The following ZPLD1 variants were observed in gnomAD, a reference collection of about 807,000 sequenced individuals.
ZPLD1 encodes zona pellucida-like domain-containing protein 1.
ZPLD1 carries 34 observed loss-of-function variants against 47.2 expected under a neutral mutation model. That is an observed-to-expected ratio of 0.72 (90% CI 0.55 to 0.96). The LOEUF (loss-of-function observed/expected upper bound fraction) is 0.96, where lower values mean the gene tolerates loss of function less well. Among genes scored for constraint, ZPLD1 ranks in the 40% least tolerant of loss-of-function variants. The probability of loss-of-function intolerance (pLI) is 0.00; values close to 1 mark genes in which losing one functional copy is unlikely to be tolerated. For synonymous variants in ZPLD1, 176 were observed against 186.2 expected (o/e 0.95, Z 0.45); for missense variants, 512 against 505.8 (o/e 1.01, Z -0.12).
chr3:102,447,926 T>A (rs766354156), intron 3 of ZPLD1, among the ~76,000 whole-genome samples: 1 of 152,182 alleles, frequency 6.6e-6, no homozygotes, highest in East Asian at 1.9e-4. Flanking sequence ...ATACCTTCTT[T>A]ACTTCCATTT....
intron 6 of ZPLD1, among the ~76,000 whole-genome samples, chr3:102,388,920 A>T (rs1706465463): frequency 6.6e-6 from 1 of 152,180 alleles, no homozygotes; most frequent in Non-Finnish European, 1.5e-5. Flanking sequence ...TTTGACTTTT[A>T]ATCAATATTC....
At chr3:102,404,493 A>G (rs951255937) in intron 7 of ZPLD1, among the ~76,000 whole-genome samples, 4 of 152,020 alleles carry the variant, frequency 2.6e-5, no homozygotes, top group Admixed American at 1.3e-4. Flanking sequence ...ACCAGTGCCT[A>G]TATGTTAACC....
intron 8 of ZPLD1, among the ~76,000 whole-genome samples, chr3:102,420,303 T>A (rs2107305706): frequency 6.6e-6 from 1 of 152,092 alleles, no homozygotes; most frequent in East Asian, 1.9e-4. Flanking sequence ...AGACAATATT[T>A]GCTGAATTTC....
Position 102,477,690 on chromosome 3 carries a change from T to A in ZPLD1, c.*72T>A. 1 of 1,375,484 alleles carries A rather than the reference T, an allele frequency of 7.3e-7. No individual in the cohort carries two copies. Among genetic ancestry groups the A allele is most frequent in the East Asian group, 2.4e-5 (1 of 41,484 alleles). 85.2% of individuals were successfully genotyped at this position (1,375,484 alleles called of 1,614,324 possible). On this transcript the variant is annotated 3_prime_UTR_variant, in exon 12 of 12. Transcript: ENST00000466937. Reference sequence around the variant, plus strand: ...ATGTGTGACTGCAGTCAGTGTTCCGTCTGAATTTCATGTCAGTCCACATTC... The same window carrying A: ...ATGTGTGACTGCAGTCAGTGTTCCGACTGAATTTCATGTCAGTCCACATTC...
At chr3:102,402,459 A>T (rs911257706) in intron 7 of ZPLD1, among the ~76,000 whole-genome samples, 1 of 152,098 alleles carries the variant, frequency 6.6e-6, no homozygotes, top group African/African-American at 2.4e-5. Flanking sequence ...TTTAAGTAGG[A>T]TGCTGTGTAA....
intron 9 of ZPLD1, among the ~76,000 whole-genome samples, chr3:102,470,173 G>A (rs1211479678): frequency 6.6e-6 from 1 of 152,176 alleles, no homozygotes; most frequent in Non-Finnish European, 1.5e-5. Flanking sequence ...AAATTAATGA[G>A]GCAGTGCACA....
At chr3:102,427,361 G>A (rs1453106330) in intron 8 of ZPLD1, among the ~76,000 whole-genome samples, 1 of 152,180 alleles carries the variant, frequency 6.6e-6, no homozygotes, top group Non-Finnish European at 1.5e-5. Context: ...AGATTAGGCT[G>A]TAAGATCTCT....
chr3:102,427,969 A>T (rs1037875423), intron 8 of ZPLD1, among the ~76,000 whole-genome samples: 1 of 152,212 alleles, frequency 6.6e-6, no homozygotes, highest in African/African-American at 2.4e-5. Context: ...TAATGCAATT[A>T]TTATAAAGCT....
chr3:102,477,033 C>A lies in ZPLD1; in HGVS notation c.1064C>A (p.Ser355Ter), dbSNP rs369331610. The part of the protein sequence containing the change: ...TRSDETPTNN[S>*]QLGSPSMPPF... ...TCAGATGAGACTCCAACCAACAATT[C>A]GCAACTTGGTAAGATAATTAACATA... The change falls in exon 11 of 12, where the codon TCG (serine) becomes TAG (stop). Residue 355 changes from serine to a stop codon, truncating the protein, a stop_gained. Transcript: ENST00000466937. LOFTEE classifies it high-confidence loss of function. 1 of 1,613,538 alleles carries A rather than the reference C, an allele frequency of 6.2e-7. No individual in the cohort carries two copies. Among genetic ancestry groups the A allele is most frequent in the Non-Finnish European group, 8.5e-7 (1 of 1,179,618 alleles).
intron 7 of ZPLD1, among the ~76,000 whole-genome samples, chr3:102,462,690 T>A (rs1029944751): frequency 1.3e-5 from 2 of 152,140 alleles, no homozygotes; most frequent in South Asian, 2.1e-4. Flanking sequence ...CCAAATGTAG[T>A]CATTCTGTGA....
intron 6 of ZPLD1, among the ~76,000 whole-genome samples, chr3:102,458,953 G>C (rs969412310): frequency 2.0e-5 from 3 of 151,788 alleles, no homozygotes; most frequent in African/African-American, 7.3e-5. Context: ...AGCCGGGCGT[G>C]GTGGCGGGCA....
At chr3:102,449,367 A>T (rs1292746578) in intron 3 of ZPLD1, among the ~76,000 whole-genome samples, 1 of 152,232 alleles carries the variant, frequency 6.6e-6, no homozygotes, top group African/African-American at 2.4e-5. Flanking sequence ...AATGGACTGT[A>T]ATACACAGGA....
intron 10 of ZPLD1, among the ~76,000 whole-genome samples, chr3:102,476,234 A>G (rs989989992): frequency 2.0e-5 from 3 of 151,904 alleles, no homozygotes; most frequent in Non-Finnish European, 4.4e-5. Context: ...TTCAAATAAC[A>G]AACACAAATA....
chr3:102,422,875 A>C (rs1293431375), intron 8 of ZPLD1, among the ~76,000 whole-genome samples: 1 of 151,954 alleles, frequency 6.6e-6, no homozygotes, highest in African/African-American at 2.4e-5. Flanking sequence ...AGTGGTGTTG[A>C]CATTAACAAA....
In ZPLD1 at chr3:102,435,138, C is replaced by G. The variant is rs1458784363; in HGVS notation, c.-139C>G. On this transcript the variant is annotated 5_prime_UTR_variant, in exon 1 of 12. Transcript: ENST00000466937. ...AGATGATGCTCAGGTTTTCCATGTG[C>G]AGGGGAAATGATGAAGGTAAGGTTG... The G allele has an allele frequency of 6.2e-7, 1 of 1,614,086 alleles. No individual in the cohort carries two copies. The highest frequency in any genetic ancestry group is 2.2e-5 in the East Asian group (1 of 44,874).
At position 102,405,478 on chromosome 3, in the gene ZPLD1, A is replaced by G. The variant is rs530138802; in HGVS notation, c.-156-12582A>G. On this transcript the variant is annotated intron_variant, in intron 7 of 17. Coordinates refer to the ZPLD1 transcript ENST00000491959. The stretch of plus-strand genomic sequence containing the variant: ...CAATAGCAGAAAGGAAAGCAAGATA[A>G]CTAACAGAAGGCTTGAGGTCATGTG... Among the ~76,000 whole-genome samples, 40 of 152,150 alleles carry G rather than the reference A, an allele frequency of 2.6e-4. No homozygotes were observed. In the East Asian group the frequency reaches 7.6e-3, roughly 29 times the overall value.
At chr3:102,461,711 T>A (rs888982532) in intron 6 of ZPLD1, among the ~76,000 whole-genome samples, 1 of 152,026 alleles carries the variant, frequency 6.6e-6, no homozygotes, top group Non-Finnish European at 1.5e-5. Context: ...CTGTAGTTTC[T>A]TCTATTCTCC....
At chr3:102,431,361 A>C (rs1247610691), upstream of ZPLD1, among the ~76,000 whole-genome samples, 2 of 152,212 alleles carry the variant, frequency 1.3e-5, no homozygotes, top group Non-Finnish European at 2.9e-5. Flanking sequence ...TGTTTGAGGC[A>C]TTATTCTGAA....
rs1707359433 is a variant in ZPLD1 at position 102,452,943 on chromosome 3, G to C, written c.131G>C (p.Cys44Ser). 6.2e-7 allele frequency: 1 copy of C among 1,613,888 alleles called. No homozygotes were observed. Among genetic ancestry groups the C allele is most frequent in the African/African-American group, 1.3e-5 (1 of 74,886 alleles). The change falls in exon 4 of 12, where the codon TGT becomes TCT. Residue 44 changes from cysteine (C) to serine (S), a missense_variant. By Grantham distance (112) the Cys-to-Ser change is moderately radical. Coordinates refer to ENST00000466937, the MANE Select transcript of ZPLD1 (RefSeq NM_001329788.2). ...FPAERDISVY[C>S]GVQAITMKIN... ...GCTGAAAGAGACATCAGTGTCTATT[G>C]TGGAGTGCAGGCTATTACGATGAAG...
Sources: gnomAD v4.1 joint callset for allele counts (sites outside exome capture counted in the v4.1 genomes callset) on GRCh38, gnomAD v4.1.1 for gene constraint, MANE v1.5 for transcripts, NCBI Gene and HGNC (gene_info 2026-07-23, HGNC 2026-07-21) for gene names.